The following ZNF398 variants were observed in gnomAD, a reference collection of about 807,000 sequenced individuals.
ZNF398 encodes zinc finger protein 398.
In ZNF398, 18 loss-of-function variants were observed where a neutral mutation model predicts 41.9. That is an observed-to-expected ratio of 0.43 (90% CI 0.30 to 0.64). ZNF398 has a LOEUF of 0.64. Ranked by LOEUF, ZNF398 falls within the 30% of genes least tolerant of loss-of-function variation. ZNF398 has a pLI of 0.14. For synonymous variants in ZNF398, 260 were observed against 308.8 expected, an observed-to-expected ratio of 0.84 and a Z score of 1.66; for missense variants, 669 against 822.8, an observed-to-expected ratio of 0.81 and a Z score of 2.29.
chr7:149,178,559 G>A (rs1460952506), intron 5 of ZNF398, 89 bp from the exon 6 acceptor site: 6 of 1,106,036 alleles, frequency 5.4e-6, no homozygotes, highest in Admixed American at 2.3e-5. Flanking sequence ...TCTGAGCTTC[G>A]AGTGATCTGT....
chr7:149,169,858 A>G (rs1302612896), intron 4 of ZNF398, among the ~76,000 whole-genome samples: 1 of 152,130 alleles, frequency 6.6e-6, no homozygotes, highest in African/African-American at 2.4e-5. Flanking sequence ...GGATTCCCAT[A>G]TGGTTGTACT....
chr7:149,155,718 T>TAA (rs1296979434), intron 2 of ZNF398, among the ~76,000 whole-genome samples: 10 of 24,330 alleles, frequency 4.1e-4, no homozygotes, highest in African/African-American at 6.6e-4. Flanking sequence ...TTTTTTTTTT[T>TAA]TTTTTTTTTT....
Position 149,147,871 on chromosome 7 carries a change from C to T in ZNF398, c.24+105C>T. On this transcript the variant is annotated intron_variant, in intron 1 of 5. Coordinates refer to ENST00000475153, the MANE Select transcript of ZNF398 (RefSeq NM_170686.3). This position sits in a 1 kb window ranked among gnomAD's most constrained non-coding sequence, Gnocchi z 5.6. ...CCAGGCATAGGCGCCGTTCTCGGGT[C>T]CCGCCGGCCACGTCGCCTGTCGCCC... The T allele has an allele frequency of 8.0e-7, 1 of 1,252,006 alleles. No individual in the cohort carries two copies. The highest frequency in any genetic ancestry group is 2.2e-5 in the South Asian group (1 of 45,466). 77.6% of individuals were successfully genotyped at this position (1,252,006 alleles called of 1,614,324 possible).
In ZNF398 at chr7:149,178,690, CGTT is replaced by C; in HGVS notation, c.821_823del (p.Leu274del). ...AAAGCTGAAGGCCTTGCTAGATCCT[CGTT>C]GTGCCCTGAGGTTCCAGTCCCTTTC... On this transcript the variant is annotated inframe_deletion, in exon 6 of 6. Transcript: ENST00000475153. 1.9e-6 allele frequency: 3 copies of C among 1,614,156 alleles called. No homozygotes were observed. The highest frequency in any genetic ancestry group is 2.2e-5 in the South Asian group (2 of 91,074).
At chr7:149,161,822 A>G (rs1411935262) in intron 2 of ZNF398, among the ~76,000 whole-genome samples, 1 of 148,524 alleles carries the variant, frequency 6.7e-6, no homozygotes, top group Non-Finnish European at 1.5e-5. Flanking sequence ...AAAAAAAAAA[A>G]AGGGGAATTG....
chr7:149,176,356 A>C, intron 4 of ZNF398, 112 bp from the exon 5 acceptor site: 2 of 789,906 alleles, frequency 2.5e-6, no homozygotes, highest in Non-Finnish European at 4.3e-6. Flanking sequence ...AAAAAGAAAA[A>C]AAGAAAGGAA....
chr7:149,141,852 A>G (rs184972549), intron 2 of ZNF398, among the ~76,000 whole-genome samples: 115 of 151,894 alleles, frequency 7.6e-4, no homozygotes, highest in African/African-American at 2.5e-3. Flanking sequence ...GCCTCTCAAA[A>G]TGCTGGGATT....
Position 149,180,442 on chromosome 7 carries a change from A to T in ZNF398, c.*641A>T, listed in dbSNP as rs532227857. The T allele has an allele frequency of 7.9e-5, 12 of 152,346 alleles. No individual in the cohort carries two copies. In the East Asian group the frequency reaches 2.3e-3, roughly 29 times the overall value. The allele number at this position is 152,346 out of a possible 1,614,324, so 9.4% of individuals were successfully genotyped here. On this transcript the variant is annotated 3_prime_UTR_variant, in exon 6 of 6. Coordinates refer to ENST00000475153, the MANE Select transcript of ZNF398 (RefSeq NM_170686.3). ...AAATTTTGTTTAATATTGGTTGAACAAGAAATCTGACTTTAAAAGATTATT... is the reference window on the plus strand; with the variant it reads ...AAATTTTGTTTAATATTGGTTGAACTAGAAATCTGACTTTAAAAGATTATT...
At chr7:149,150,207 A>T (rs988892109) in intron 1 of ZNF398, among the ~76,000 whole-genome samples, 1 of 152,206 alleles carries the variant, frequency 6.6e-6, no homozygotes, top group African/African-American at 2.4e-5. Flanking sequence ...ATTAATTTCC[A>T]TCTCAAAGCA....
Position 149,178,944 on chromosome 7 carries a change from C to G in ZNF398, c.1072C>G (p.Leu358Val). The G allele has an allele frequency of 6.2e-7, 1 of 1,614,176 alleles. No individual in the cohort carries two copies. The highest frequency in any genetic ancestry group is 8.5e-7 in the Non-Finnish European group (1 of 1,180,036). Residue 358 changes from leucine to valine, a missense_variant, in exon 6 of 6, where the codon CTG becomes GTG. Leu to Val is a conservative substitution (Grantham distance 32). Coordinates refer to ENST00000475153, the MANE Select transcript of ZNF398 (RefSeq NM_170686.3). ...CAAGAATCTCAGCCAAGACATGTTG[C>G]TGACCCACCAATGTAGCCATGCTAC... ...CGKNLSQDML[L>V]THQCSHATEH... is the part of the protein sequence containing the mutation.
chr7:149,126,410 A>T (rs1989994407), upstream of ZNF398: 2 of 1,089,494 alleles, frequency 1.8e-6, no homozygotes, highest in Non-Finnish European at 2.5e-6. Flanking sequence ...GCGCCGCCAG[A>T]GGGAGTCGGT....
At chr7:149,144,222 A>C (rs1174300260), upstream of ZNF398, among the ~76,000 whole-genome samples, 1 of 152,216 alleles carries the variant, frequency 6.6e-6, no homozygotes, top group Non-Finnish European at 1.5e-5. Flanking sequence ...TGGAAGTCTT[A>C]TTTAGTAATA....
intron 4 of ZNF398, among the ~76,000 whole-genome samples, chr7:149,170,706 G>C (rs1210748761): frequency 1.3e-5 from 2 of 151,848 alleles, no homozygotes; most frequent in African/African-American, 4.8e-5. Context: ...CTGCACTCCA[G>C]CCTGGGCAAC....
At position 149,178,923 on chromosome 7, in the gene ZNF398, A is replaced by G; in HGVS notation, c.1051A>G (p.Asn351Asp). The stretch of plus-strand genomic sequence containing the variant: ...GTTCTCATGCCACCACTGTGGCAAG[A>G]ATCTCAGCCAAGACATGTTGCTGAC... ...QVFSCHHCGK[N>D]LSQDMLLTHQ... The change falls in exon 6 of 6, where the codon AAT (asparagine) becomes GAT (aspartate). Residue 351 changes from asparagine (N) to aspartate (D), a missense_variant. Asn to Asp is a conservative substitution (Grantham distance 23). Transcript: ENST00000475153. The G allele has an allele frequency of 6.2e-7, 1 of 1,614,142 alleles. No individual in the cohort carries two copies. The highest frequency in any genetic ancestry group is 8.5e-7 in the Non-Finnish European group (1 of 1,180,026).
At chr7:149,140,272 C>T (rs1396223325) in intron 2 of ZNF398, among the ~76,000 whole-genome samples, 1 of 151,954 alleles carries the variant, frequency 6.6e-6, no homozygotes, top group Non-Finnish European at 1.5e-5. Flanking sequence ...CTTTTTGAGC[C>T]TACAGATGTT....
At chr7:149,175,363 A>C (rs572359945) in intron 4 of ZNF398, among the ~76,000 whole-genome samples, 1 of 152,118 alleles carries the variant, frequency 6.6e-6, no homozygotes, top group South Asian at 2.1e-4. Context: ...AAAATAATAA[A>C]GCCATATAGG....
intron 4 of ZNF398, among the ~76,000 whole-genome samples, chr7:149,171,101 G>A (rs1795330698): frequency 6.7e-6 from 1 of 150,344 alleles, no homozygotes; most frequent in African/African-American, 2.5e-5. Flanking sequence ...ACCTACCTTG[G>A]CCTCCCGAAG....
At chr7:149,155,707 A>ATTTTTTTTTTTTTTTTTT (rs1359986695) in intron 2 of ZNF398, among the ~76,000 whole-genome samples, 1 of 73,572 alleles carries the variant, frequency 1.4e-5, no homozygotes, top group Non-Finnish European at 2.4e-5. Flanking sequence ...ATATATATAT[A>ATTTTTTTTTTTTTTTTTT]TTTTTTTTTT....
intron 4 of ZNF398, 108 bp from the exon 5 acceptor site, chr7:149,176,360 A>C: frequency 2.5e-6 from 2 of 807,650 alleles, no homozygotes; most frequent in Non-Finnish European, 4.2e-6. Context: ...AGAAAAAAAG[A>C]AAGGAAAAAT....
Sources: allele counts gnomAD v4.1 joint callset (sites outside exome capture counted in the v4.1 genomes callset), GRCh38; gene constraint gnomAD v4.1.1; non-coding constraint Gnocchi (gnomAD v3.1); transcripts MANE v1.5; gene names NCBI Gene and HGNC (gene_info 2026-07-23, HGNC 2026-07-21).